The following SPTB variants were observed in gnomAD, a reference collection of about 807,000 sequenced individuals.
SPTB encodes spectrin beta chain, erythrocytic.
In SPTB, 45 loss-of-function variants were observed where a neutral mutation model predicts 256.2. That is an observed-to-expected ratio of 0.18 (90% CI 0.14 to 0.23). The LOEUF is 0.23. SPTB is among the 10% of genes least tolerant of loss of function. The pLI is 1.00. For missense variants in SPTB, 2,715 were observed against 3,040.4 expected (o/e 0.89, Z 2.52); for synonymous variants, 1,231 against 1,243.1 (o/e 0.99, Z 0.21).
At chr14:64,750,633 G>T (rs573937952) in intron 33 of SPTB, among the ~76,000 whole-genome samples, 2 of 151,870 alleles carry the variant, frequency 1.3e-5, no homozygotes, top group African/African-American at 4.8e-5. Context: ...AAAATTAGCC[G>T]GGCTTGGTGG....
intron 32 of SPTB, chr14:64,766,457 G>C: frequency 1.4e-6 from 2 of 1,423,454 alleles, no homozygotes; most frequent in Middle Eastern, 2.6e-4. Flanking sequence ...ATTACATTAG[G>C]TAAAACAAAA....
In SPTB at chr14:64,822,994, T is replaced by C. The variant is rs767892082; in HGVS notation, c.101A>G (p.Asn34Ser). The C allele has an allele frequency of 6.2e-7, 1 of 1,614,076 alleles. No individual in the cohort carries two copies. The highest frequency in any genetic ancestry group is 1.1e-5 in the South Asian group (1 of 91,068). ...CCTCTCAAAGAGCCTGGCTGAGCTG[T>C]TGTCATTATCCAGCTCGTCGTCTGG... ...DAPDDELDND[N>S]SSARLFERSR... The change falls in exon 2 of 36, where the codon AAC becomes AGC. Residue 34 changes from asparagine (N) to serine (S), a missense_variant. This residue lies in a region of SPTB where 58 missense variants were observed against 67.9 expected (regional missense o/e 0.85). Coordinates refer to ENST00000644917, the MANE Select transcript of SPTB (RefSeq NM_001355436.2).
rs2083328198 is a variant in SPTB, at chr14:64,823,402, G to A, written c.-51-257C>T. On this transcript the variant is annotated intron_variant, in intron 1 of 35. Transcript: ENST00000644917. This position sits in a 1 kb window ranked among gnomAD's most constrained non-coding sequence, Gnocchi z 6.5. ...TAGCAAGGGTCAGGACGGCCAGCAG[G>A]TGGAGACGTCAGTCGCAGCCAGCTG... 1.3e-5 allele frequency among the ~76,000 whole-genome samples: 2 copies of A among 152,220 alleles called. No individual in the cohort carries two copies. The highest frequency in any genetic ancestry group is 2.4e-5 in the African/African-American group (1 of 41,462).
At chr14:64,763,278 C>A (rs1594748441) in intron 32 of SPTB, among the ~76,000 whole-genome samples, 1 of 152,250 alleles carries the variant, frequency 6.6e-6, no homozygotes, top group Non-Finnish European at 1.5e-5. Context: ...TGGAGCAGGT[C>A]TGCCTGCCCA....
chr14:64,849,540 C>G (rs1325450143), intron 1 of SPTB, among the ~76,000 whole-genome samples: 1 of 152,180 alleles, frequency 6.6e-6, no homozygotes, highest in Non-Finnish European at 1.5e-5. Flanking sequence ...TCAACTCAGA[C>G]AAAACAATAT....
chr14:64,775,316 C>T lies in SPTB; in HGVS notation c.4651G>A (p.Asp1551Asn), dbSNP rs760176952. ...AGGCGCTCCTCAAGGTCCTGGCAGT[C>T]GATCTCCGCCGCCTCCACCAGCTGC... ...GQQLVEAAEI[D>N]CQDLEERLGH... Residue 1551 changes from aspartate to asparagine, a missense_variant, in exon 23 of 36, where the codon GAC becomes AAC. Asp to Asn is a conservative substitution (Grantham distance 23). Around this residue, in one of 4 missense-constraint regions of SPTB, gnomAD observed 2,239 missense variants for 2,384.4 expected, o/e 0.94. Transcript: ENST00000644917. The surrounding 1 kb of genome is among the most constrained non-coding windows in gnomAD (Gnocchi z 5.0). 5.6e-6 allele frequency: 9 copies of T among 1,612,910 alleles called. No individual in the cohort carries two copies. Among genetic ancestry groups the T allele is most frequent in the Admixed American group, 3.3e-5 (2 of 59,966 alleles).
At chr14:64,833,300 G>A (rs1375486246) in intron 1 of SPTB, among the ~76,000 whole-genome samples, 3 of 152,078 alleles carry the variant, frequency 2.0e-5, no homozygotes, top group East Asian at 1.9e-4. Context: ...CCCATAATCC[G>A]AGCACTTTGG....
chr14:64,761,589 C>A (rs559044274), intron 32 of SPTB, among the ~76,000 whole-genome samples: 1 of 152,234 alleles, frequency 6.6e-6, no homozygotes, highest in South Asian at 2.1e-4. Context: ...GGATGCAGGG[C>A]AGAAGGGCAC....
chr14:64,780,203 T>G (rs936492919), intron 20 of SPTB, among the ~76,000 whole-genome samples: 25 of 152,132 alleles, frequency 1.6e-4, no homozygotes, highest in African/African-American at 6.0e-4. Context: ...TAAAAGCAAG[T>G]CCAGTTAAGA....
chr14:64,831,359 CT>C (rs1388327245), intron 1 of SPTB, among the ~76,000 whole-genome samples: 2 of 152,152 alleles, frequency 1.3e-5, no homozygotes, highest in Non-Finnish European at 2.9e-5. Flanking sequence ...CTTCTCTCTC[CT>C]TTCTTTCAGA....
intron 32 of SPTB, chr14:64,766,447 A>G: frequency 7.1e-7 from 1 of 1,417,880 alleles, no homozygotes; most frequent in Non-Finnish European, 9.2e-7. Context: ...AATAAAATTT[A>G]TTACATTAGG....
At chr14:64,836,436 A>G (rs1437959149) in intron 1 of SPTB, among the ~76,000 whole-genome samples, 5 of 152,158 alleles carry the variant, frequency 3.3e-5, no homozygotes, top group African/African-American at 1.2e-4. Context: ...CCAGGGTATT[A>G]TTTACAAATA....
At chr14:64,871,639 T>C (rs978232470) in intron 1 of SPTB, among the ~76,000 whole-genome samples, 5 of 152,244 alleles carry the variant, frequency 3.3e-5, no homozygotes, top group Non-Finnish European at 7.3e-5. Flanking sequence ...CTTAAAGCTA[T>C]GACTTTAAAA....
intron 2 of SPTB, among the ~76,000 whole-genome samples, chr14:64,820,136 C>G (rs1174088005): frequency 6.6e-6 from 1 of 152,152 alleles, no homozygotes. Context: ...ATCTTATAAG[C>G]AACTCAGGGC....
Position 64,796,458 on chromosome 14 carries a change from A to C in SPTB, c.1341+99T>G. On this transcript the variant is annotated intron_variant, in intron 11 of 35. Coordinates refer to ENST00000644917, the MANE Select transcript of SPTB (RefSeq NM_001355436.2). This position sits in a 1 kb window ranked among gnomAD's most constrained non-coding sequence, Gnocchi z 4.1. Reference sequence around the variant, plus strand: ...GGGAGCTGTGCTGCAAGGCACGAGGAGAGGCTGTGAGAAGCCAGCTTGGAC... The same window carrying C: ...GGGAGCTGTGCTGCAAGGCACGAGGCGAGGCTGTGAGAAGCCAGCTTGGAC... 1.3e-6 allele frequency: 2 copies of C among 1,523,726 alleles called. No individual in the cohort carries two copies. The highest frequency in any genetic ancestry group is 1.8e-6 in the Non-Finnish European group (2 of 1,104,342). The allele number at this position is 1,523,726 out of a possible 1,614,324, so 94.4% of individuals were successfully genotyped here. A position where few individuals can be genotyped will look rare whatever the true frequency, so the allele number is the denominator to read the frequency against.
At chr14:64,754,835 GAA>G in intron 32 of SPTB, 1 of 152,374 alleles carries the variant, frequency 6.6e-6, no homozygotes, top group Non-Finnish European at 1.5e-5. Context: ...TGGGGCAGAA[GAA>G]AGAGAGGGCA....
intron 1 of SPTB, among the ~76,000 whole-genome samples, chr14:64,872,435 A>G (rs1882584150): frequency 6.6e-6 from 1 of 152,188 alleles, no homozygotes. Context: ...GCCGCCAGAA[A>G]GATCTGCTTG....
chr14:64,825,598 C>G lies in SPTB; in HGVS notation c.-51-2453G>C, dbSNP rs12587480. Among the ~76,000 whole-genome samples the G allele has an allele frequency of 0.14, 21,817 of 152,204 alleles. 1,647 individuals are homozygous for G. Among genetic ancestry groups the G allele is most frequent in the African/African-American group, 0.18 (7,594 of 41,510 alleles). On this transcript the variant is annotated intron_variant, in intron 1 of 35. Transcript: ENST00000644917. The surrounding 1 kb of genome is among the most constrained non-coding windows in gnomAD (Gnocchi z 4.8). ...CCCTGAGAAGGGCTGAGCTGCCAGA[C>G]GCAGGAGGTGAGGTGAGATCAGACC...
chr14:64,832,592 A>G (rs2083466200), intron 1 of SPTB, among the ~76,000 whole-genome samples: 3 of 152,154 alleles, frequency 2.0e-5, no homozygotes, highest in African/African-American at 7.2e-5. Flanking sequence ...CATCGTGTCC[A>G]ACTGCCTTCA....
Sources: gnomAD v4.1 joint callset for allele counts (sites outside exome capture counted in the v4.1 genomes callset) on GRCh38, gnomAD v4.1.1 for gene constraint, gnomAD v4.1.1 regional missense constraint, Gnocchi (gnomAD v3.1) non-coding constraint, MANE v1.5 for transcripts, NCBI Gene and HGNC (gene_info 2026-07-23, HGNC 2026-07-21) for gene names.